Variants in CA12 observed in about 807,000 individuals in gnomAD.
CA12 encodes the protein carbonate dehydratase XII.
In CA12, 36 loss-of-function variants were observed where a neutral mutation model predicts 46.8. The ratio of observed to expected loss-of-function variants is 0.77; its 90% CI spans 0.59 to 1.02. The LOEUF is 1.02. Ranked by LOEUF, CA12 falls within the 50% of genes least tolerant of loss-of-function variation. The pLI, the probability that CA12 is intolerant of heterozygous loss-of-function variation, is 0.00. For synonymous variants in CA12, 202 were observed against 187.0 expected, an observed-to-expected ratio of 1.08 and a Z score of -0.65; for missense variants, 436 against 451.4, an observed-to-expected ratio of 0.97 and a Z score of 0.31.
intron 2 of CA12, among the ~76,000 whole-genome samples, chr15:63,368,118 G>A (rs2039458252): frequency 6.6e-6 from 1 of 152,168 alleles, no homozygotes; most frequent in Admixed American, 6.5e-5. Flanking sequence ...CATCTAACAT[G>A]GTGCTTCTCT....
intron 2 of CA12, among the ~76,000 whole-genome samples, chr15:63,351,955 T>C (rs2039237938): frequency 1.3e-5 from 2 of 152,250 alleles, no homozygotes; most frequent in African/African-American, 2.4e-5. Context: ...TGGAGGGTTT[T>C]TTTAAGCTCA....
chr15:63,381,566 T>C lies in CA12; in HGVS notation c.85+70A>G, dbSNP rs1246308270. ...CGCAGCAATGATTTTACTTTATCAT[T>C]GAAGAGCCTTCAGCCCAGGGGCGGC... is the stretch of plus-strand genomic sequence containing the variant. On this transcript the variant is annotated intron_variant, in intron 1 of 10. Coordinates refer to ENST00000178638, the MANE Select transcript of CA12 (RefSeq NM_001218.5). The C allele has an allele frequency of 3.2e-6, 4 of 1,256,968 alleles. No individual in the cohort carries two copies. The Admixed American group carries it at 7.7e-5, about 24-fold the overall frequency. The allele number at this position is 1,256,968 out of a possible 1,614,324, so 77.9% of individuals were successfully genotyped here. A position where few individuals can be genotyped will look rare whatever the true frequency, so the allele number is the denominator to read the frequency against.
At chr15:63,371,528 A>G (rs529864613) in intron 2 of CA12, among the ~76,000 whole-genome samples, 1 of 152,326 alleles carries the variant, frequency 6.6e-6, no homozygotes, top group East Asian at 1.9e-4. Flanking sequence ...GGTTTCCTGA[A>G]CAGGATGGAG....
intron 2 of CA12, among the ~76,000 whole-genome samples, chr15:63,349,427 C>T (rs2039196900): frequency 6.6e-6 from 1 of 152,198 alleles, no homozygotes; most frequent in Admixed American, 6.5e-5. Flanking sequence ...GCATCAGGAA[C>T]CTGCCCTGGT....
chr15:63,340,609 C>G lies in CA12; in HGVS notation c.589+111G>C. 1 of 1,401,808 alleles carries G rather than the reference C, an allele frequency of 7.1e-7. No individual in the cohort carries two copies. The highest frequency in any genetic ancestry group is 1.0e-6 in the Non-Finnish European group (1 of 987,744). The allele number at this position is 1,401,808 out of a possible 1,614,324, so 86.8% of individuals were successfully genotyped here. ...TGTTCAACAACCTGCTGCTCTTAAC[C>G]TGGTGAACACAGACAGCACCTGCCC... On this transcript the variant is annotated intron_variant, in intron 6 of 10. Coordinates refer to ENST00000178638, the MANE Select transcript of CA12 (RefSeq NM_001218.5). The surrounding 1 kb of genome is among the most constrained non-coding windows in gnomAD (Gnocchi z 4.4).
chr15:63,365,420 A>G (rs1323830901), intron 2 of CA12, among the ~76,000 whole-genome samples: 1 of 152,228 alleles, frequency 6.6e-6, no homozygotes. Flanking sequence ...AAGAGGCCCA[A>G]GTTCTGACTC....
At chr15:63,363,523 G>C (rs533514971) in intron 2 of CA12, among the ~76,000 whole-genome samples, 1 of 152,320 alleles carries the variant, frequency 6.6e-6, no homozygotes, top group African/African-American at 2.4e-5. Flanking sequence ...AACTCTTCTT[G>C]AGGGTAAAAA....
At chr15:63,360,184 A>G (rs1164483383) in intron 2 of CA12, among the ~76,000 whole-genome samples, 1 of 152,154 alleles carries the variant, frequency 6.6e-6, no homozygotes, top group Non-Finnish European at 1.5e-5. Flanking sequence ...TAACGTTTGC[A>G]CCTGTTTCCC....
chr15:63,360,484 C>G (rs912457700), intron 2 of CA12, among the ~76,000 whole-genome samples: 1 of 152,204 alleles, frequency 6.6e-6, no homozygotes, highest in African/African-American at 2.4e-5. Context: ...TCTAGTGTCT[C>G]TGTTCACAGA....
In CA12 at chr15:63,381,774, C is replaced by G. The variant is rs149560714; in HGVS notation, c.-54G>C. ...GGCTGTGCCGGGGGCTCCCGGTGGC[C>G]GCTCGCTCTCCAGCTGCACACCGGG... On this transcript the variant is annotated 5_prime_UTR_variant, in exon 1 of 11. Coordinates refer to ENST00000178638, the MANE Select transcript of CA12 (RefSeq NM_001218.5). 3.1e-6 allele frequency: 4 copies of G among 1,285,816 alleles called. No individual in the cohort carries two copies. In the South Asian group the frequency reaches 6.2e-5, roughly 20 times the overall value. 79.7% of individuals were successfully genotyped at this position (1,285,816 alleles called of 1,614,324 possible).
intron 2 of CA12, among the ~76,000 whole-genome samples, chr15:63,363,528 T>A (rs1402766603): frequency 6.6e-6 from 1 of 152,098 alleles, no homozygotes; most frequent in East Asian, 1.9e-4. Flanking sequence ...TTCTTGAGGG[T>A]AAAAATGGCT....
chr15:63,373,921 G>A lies in CA12; in HGVS notation c.106+1737C>T, dbSNP rs2039538722. On this transcript the variant is annotated intron_variant, in intron 2 of 10. Transcript: ENST00000178638. The surrounding 1 kb of genome is among the most constrained non-coding windows in gnomAD (Gnocchi z 4.9). ...CAAGGGGCCCTGTGGCCCAGATTCT[G>A]CGATTCTTACTTTGTCAGTTCTCTT... is the stretch of plus-strand genomic sequence containing the variant. 6.6e-6 allele frequency among the ~76,000 whole-genome samples: 1 copy of A among 152,194 alleles called. No individual in the cohort carries two copies. Among genetic ancestry groups the A allele is most frequent in the African/African-American group, 2.4e-5 (1 of 41,448 alleles).
intron 8 of CA12, among the ~76,000 whole-genome samples, chr15:63,332,038 G>A (rs2038944168): frequency 6.6e-6 from 1 of 152,156 alleles, no homozygotes; most frequent in South Asian, 2.1e-4. Flanking sequence ...ATGTTACGTA[G>A]CGATATCCTT....
chr15:63,342,503 T>C (rs1004076751), intron 4 of CA12, among the ~76,000 whole-genome samples: 1 of 152,180 alleles, frequency 6.6e-6, no homozygotes, highest in Non-Finnish European at 1.5e-5. Flanking sequence ...GATTTTATCA[T>C]GCAGAGGAAG....
At chr15:63,376,566 C>CTTTCTTTCTTTCTT (rs1555432644) in intron 1 of CA12, among the ~76,000 whole-genome samples, 2 of 108,652 alleles carry the variant, frequency 1.8e-5, no homozygotes, top group Non-Finnish European at 3.9e-5. Flanking sequence ...TCCTTTCTTT[C>CTTTCTTTCTTTCTT]TTTCTTTCTT....
chr15:63,332,035 G>A (rs1481383523), intron 8 of CA12, among the ~76,000 whole-genome samples: 2 of 152,140 alleles, frequency 1.3e-5, no homozygotes, highest in South Asian at 2.1e-4. Flanking sequence ...GGCATGTTAC[G>A]TAGCGATATC....
In CA12 at chr15:63,381,690, C is replaced by T. The variant is rs1490959779; in HGVS notation, c.31G>A (p.Val11Met). MPRRSLHAAA[V>M]LLLVILKEQP... The stretch of plus-strand genomic sequence containing the variant: ...TCCTTTAAGATCACCAGCAGGAGCA[C>T]GGCCGCCGCGTGCAGGCTGCGCCGG... The change falls in exon 1 of 11, where the codon GTG becomes ATG. Residue 11 changes from valine to methionine, a missense_variant. Coordinates refer to ENST00000178638, the MANE Select transcript of CA12 (RefSeq NM_001218.5). The T allele has an allele frequency of 1.2e-6, 2 of 1,608,572 alleles. No homozygotes were observed. Among genetic ancestry groups the T allele is most frequent in the African/African-American group, 1.3e-5 (1 of 74,856 alleles).
In CA12 at chr15:63,345,512, C is replaced by T; in HGVS notation, c.394G>A (p.Glu132Lys). 4 of 1,611,770 alleles carry T rather than the reference C, an allele frequency of 2.5e-6. No individual in the cohort carries two copies. Among genetic ancestry groups the T allele is most frequent in the Non-Finnish European group, 3.4e-6 (4 of 1,180,002 alleles). Residue 132 changes from glutamate to lysine, a missense_variant, in exon 4 of 11, where the codon GAG becomes AAG. Transcript: ENST00000178638. The surrounding 1 kb of genome is among the most constrained non-coding windows in gnomAD (Gnocchi z 4.3). ...WGNPNDPHGS[E>K]HTVSGQHFAA... ...AAGTGCTGTCCGCTGACGGTGTGCTCAGAGCCGTGCGGGTCATTCGGGTTC... is the reference window on the plus strand; with the variant it reads ...AAGTGCTGTCCGCTGACGGTGTGCTTAGAGCCGTGCGGGTCATTCGGGTTC...
Position 63,328,024 on chromosome 15 carries a change from C to CGGGCTT in CA12, c.907+68_907+73dup. The CGGGCTT allele has an allele frequency of 7.2e-7, 1 of 1,397,944 alleles. No individual in the cohort carries two copies. Among genetic ancestry groups the CGGGCTT allele is most frequent in the South Asian group, 1.2e-5 (1 of 86,430 alleles). The allele number at this position is 1,397,944 out of a possible 1,614,324, so 86.6% of individuals were successfully genotyped here. The stretch of plus-strand genomic sequence containing the variant: ...CAATAGTACAGAGAAGCAGAGAGGA[C>CGGGCTT]GGGCTTGGATCACACCAAGAATCAC... On this transcript the variant is annotated intron_variant, in intron 9 of 10. Transcript: ENST00000178638. This position sits in a 1 kb window ranked among gnomAD's most constrained non-coding sequence, Gnocchi z 5.9.
Sources: gnomAD v4.1 joint callset for allele counts (sites outside exome capture counted in the v4.1 genomes callset) on GRCh38, gnomAD v4.1.1 for gene constraint, Gnocchi (gnomAD v3.1) non-coding constraint, MANE v1.5 for transcripts, NCBI Gene and HGNC (gene_info 2026-07-23, HGNC 2026-07-21) for gene names.